The following GREB1 variants were observed in gnomAD, a reference collection of about 807,000 sequenced individuals.
GREB1 encodes protein GREB1.
In GREB1, 106 loss-of-function variants were observed where a neutral mutation model predicts 200.7. That is an observed-to-expected ratio of 0.53 (90% CI 0.45 to 0.62). The LOEUF is 0.62. GREB1 is among the 20% of genes least tolerant of loss of function. The pLI, the probability that GREB1 is intolerant of heterozygous loss-of-function variation, is 0.00. For missense variants in GREB1, 2,243 were observed against 2,556.8 expected (o/e 0.88, Z 2.65); for synonymous variants, 1,132 against 1,092.4 (o/e 1.04, Z -0.72).
chr2:11,539,032 T>TCTTCTCTTCTCTTCTCTTCC (rs1558512769), intron 1 of GREB1, among the ~76,000 whole-genome samples: 11 of 40,820 alleles, frequency 2.7e-4, no homozygotes, highest in African/African-American at 4.8e-4. Context: ...TCTTCTCTTC[T>TCTTCTCTTCTCTTCTCTTCC]CTTCTCTTCT....
At chr2:11,598,076 AG>A in intron 14 of GREB1, 98 bp downstream of exon 14, 1 of 866,560 alleles carries the variant, frequency 1.2e-6, no homozygotes, top group Non-Finnish European at 2.0e-6. Context: ...TAGAGTGAAT[AG>A]GGCAAGTATT....
intron 12 of GREB1, 151 bp from the exon 13 acceptor site, chr2:11,595,960 A>T: frequency 1.5e-6 from 1 of 663,512 alleles, no homozygotes; most frequent in Non-Finnish European, 2.6e-6. Context: ...CATCCTGACT[A>T]GGCTGAGACC....
chr2:11,630,770 T>C (rs1684814705), intron 26 of GREB1, among the ~76,000 whole-genome samples: 1 of 152,186 alleles, frequency 6.6e-6, no homozygotes, highest in African/African-American at 2.4e-5. Flanking sequence ...GTTCTGAACG[T>C]TCCATTGTCT....
At position 11,633,437 on chromosome 2, in the gene GREB1, G is replaced by A. The variant is rs371001552; in HGVS notation, c.4991+374G>A. Reference sequence around the variant, plus strand: ...AATTTAGCTGGGCGTGGTGGCGGGCGCCTGTAGTCCCAGCTACTTGGGAGG... The same window carrying A: ...AATTTAGCTGGGCGTGGTGGCGGGCACCTGTAGTCCCAGCTACTTGGGAGG... On this transcript the variant is annotated intron_variant, in intron 28 of 32. Coordinates refer to ENST00000381486, the MANE Select transcript of GREB1 (RefSeq NM_014668.4). The surrounding 1 kb of genome is among the most constrained non-coding windows in gnomAD (Gnocchi z 4.1). Among the ~76,000 whole-genome samples the A allele has an allele frequency of 2.6e-5, 4 of 151,942 alleles. No individual in the cohort carries two copies. Among genetic ancestry groups the A allele is most frequent in the East Asian group, 3.9e-4 (2 of 5,148 alleles).
At chr2:11,576,113 G>A (rs57743656) in intron 4 of GREB1, among the ~76,000 whole-genome samples, 2,220 of 152,186 alleles carry the variant, frequency 0.015, 51 homozygotes, top group African/African-American at 0.051. Context: ...GGACCAGCCT[G>A]GCCAACATGG....
intron 1 of GREB1, among the ~76,000 whole-genome samples, chr2:11,489,970 A>T (rs1411319915): frequency 1.8e-5 from 2 of 111,270 alleles, no homozygotes; most frequent in Non-Finnish European, 4.1e-5. Context: ...TACTAGATAT[A>T]TAACAAATAA....
At chr2:11,532,500 C>T (rs1264050861), upstream of GREB1, among the ~76,000 whole-genome samples, 10 of 152,280 alleles carry the variant, frequency 6.6e-5, no homozygotes, top group South Asian at 1.2e-3. Context: ...AGGTTCATTA[C>T]GAACTTTAGC....
At chr2:11,585,946 C>T (rs1680040223) in intron 9 of GREB1, 41 bp downstream of exon 9, 1 of 1,605,094 alleles carries the variant, frequency 6.2e-7, no homozygotes. Context: ...ATGGGAGAAC[C>T]TAAAGGAAGG....
At chr2:11,488,806 A>G (rs938261086) in intron 1 of GREB1, among the ~76,000 whole-genome samples, 3 of 151,790 alleles carry the variant, frequency 2.0e-5, no homozygotes, top group Non-Finnish European at 4.4e-5. Context: ...AAAAAAAAAA[A>G]AAGATTTGGG....
At chr2:11,613,237 G>A (rs1018380804) in intron 19 of GREB1, among the ~76,000 whole-genome samples, 3 of 152,126 alleles carry the variant, frequency 2.0e-5, no homozygotes, top group African/African-American at 7.2e-5. Context: ...GCGGACACTC[G>A]AGACTCAGGT....
In GREB1 at chr2:11,526,617, G is replaced by A. The variant is rs544919624; in HGVS notation, c.-158-29840G>A. Among the ~76,000 whole-genome samples the A allele has an allele frequency of 4.0e-5, 6 of 149,516 alleles. No homozygotes were observed. The Admixed American group carries it at 4.0e-4, about 10-fold the overall frequency. ...GTTGCCCAGGCTGGAGTGCAGTGCC[G>A]CCATCTTGGCTCACTGCAACCTCTG... On this transcript the variant is annotated intron_variant, in intron 1 of 2. Coordinates refer to the GREB1 transcript ENST00000628795.
rs184216923 is a variant in GREB1 at position 11,634,553 on chromosome 2, T to C, written c.5210+204T>C. On this transcript the variant is annotated intron_variant, in intron 29 of 32. Coordinates refer to ENST00000381486, the MANE Select transcript of GREB1 (RefSeq NM_014668.4). ...ATTCACCAATTCTCATGATGCTTTA[T>C]TGAGTGAGTTATATTGGACTGTGTG... 2.9e-4 allele frequency among the ~76,000 whole-genome samples: 44 copies of C among 152,368 alleles called. No homozygotes were observed. In the East Asian group the frequency reaches 8.1e-3, roughly 28 times the overall value.
intron 16 of GREB1, 102 bp from the exon 17 acceptor site, chr2:11,602,304 G>A: frequency 1.0e-6 from 1 of 990,120 alleles, no homozygotes; most frequent in Non-Finnish European, 1.6e-6. Flanking sequence ...GCACGATTTG[G>A]ATGAAGTTGC....
intron 21 of GREB1, among the ~76,000 whole-genome samples, 157 bp downstream of exon 21, chr2:11,616,877 G>C (rs990751823): frequency 1.3e-5 from 2 of 152,246 alleles, no homozygotes; most frequent in Non-Finnish European, 2.9e-5. Flanking sequence ...TCTCTAGAGA[G>C]TAAATATTGT....
At chr2:11,569,290 C>A (rs189370566) in intron 4 of GREB1, among the ~76,000 whole-genome samples, 1 of 152,032 alleles carries the variant, frequency 6.6e-6, no homozygotes, top group South Asian at 2.1e-4. Context: ...GAATATATAA[C>A]GTGAAATGAA....
At chr2:11,542,412 CAG>C (rs1009036243) in intron 1 of GREB1, among the ~76,000 whole-genome samples, 50 of 152,222 alleles carry the variant, frequency 3.3e-4, no homozygotes, top group African/African-American at 1.1e-3. Flanking sequence ...GGATCATCGG[CAG>C]AGTCAATGCC....
At chr2:11,508,693 T>C (rs1037900667) in intron 1 of GREB1, among the ~76,000 whole-genome samples, 2 of 152,146 alleles carry the variant, frequency 1.3e-5, no homozygotes, top group African/African-American at 2.4e-5. Flanking sequence ...ACATAAACTT[T>C]AGAGATTTGG....
chr2:11,600,680 G>A, intron 15 of GREB1, 120 bp from the exon 16 acceptor site: 1 of 789,414 alleles, frequency 1.3e-6, no homozygotes, highest in Non-Finnish European at 2.2e-6. Context: ...CAGGGGCAGA[G>A]CCATAATCTT....
intron 1 of GREB1, among the ~76,000 whole-genome samples, chr2:11,551,385 C>G (rs918851449): frequency 6.6e-6 from 1 of 152,028 alleles, no homozygotes; most frequent in Non-Finnish European, 1.5e-5. Context: ...AGTGTCTGCC[C>G]GGCCTCCTGC....
Sources: gnomAD v4.1 joint callset for allele counts (sites outside exome capture counted in the v4.1 genomes callset) on GRCh38, gnomAD v4.1.1 for gene constraint, Gnocchi (gnomAD v3.1) non-coding constraint, MANE v1.5 for transcripts, NCBI Gene and HGNC (gene_info 2026-07-23, HGNC 2026-07-21) for gene names.